The following CAMK4 variants were observed in gnomAD, a reference collection of about 807,000 sequenced individuals.
CAMK4 encodes the protein calcium/calmodulin dependent protein kinase IV.
A neutral mutation model predicts 44.9 loss-of-function variants in CAMK4; 22 were observed. The observed-to-expected ratio is 0.49, with a 90% CI of 0.35 to 0.70. The LOEUF is 0.70. CAMK4 is among the 30% of genes least tolerant of loss of function. The pLI is 0.01. For missense variants in CAMK4, 498 were observed against 586.8 expected, an observed-to-expected ratio of 0.85 and a Z score of 1.56; for synonymous variants, 218 against 215.4, an observed-to-expected ratio of 1.01 and a Z score of -0.11.
chr5:111,463,254 G>T (rs1043579188), intron 7 of CAMK4, among the ~76,000 whole-genome samples: 1 of 152,132 alleles, frequency 6.6e-6, no homozygotes, highest in African/African-American at 2.4e-5. Context: ...CTTTTAAAAT[G>T]CATTTTTAAA....
intron 1 of CAMK4, among the ~76,000 whole-genome samples, chr5:111,327,273 C>G (rs2112710356): frequency 6.6e-6 from 1 of 150,674 alleles, no homozygotes; most frequent in South Asian, 2.1e-4. Context: ...GTTTTTTGTC[C>G]TTGTGATAGT....
At chr5:111,449,427 T>C (rs1299304607) in intron 7 of CAMK4, among the ~76,000 whole-genome samples, 4 of 152,208 alleles carry the variant, frequency 2.6e-5, no homozygotes, top group African/African-American at 7.2e-5. Context: ...AGAATGCCTT[T>C]GAGCCAGTGG....
rs558730023 is a variant in CAMK4, at chr5:111,461,591, C to A, written c.626-11720C>A. Among the ~76,000 whole-genome samples, 6 of 152,106 alleles carry A rather than the reference C, an allele frequency of 3.9e-5. No homozygotes were observed. The South Asian group carries it at 1.2e-3, about 32-fold the overall frequency. ...GCAGCTGCCTCAAGTGCATTCTTCT[C>A]CTCTGGGTTCCTAGGCCAAGCTAGG... On this transcript the variant is annotated intron_variant, in intron 7 of 10. Coordinates refer to ENST00000282356, the MANE Select transcript of CAMK4 (RefSeq NM_001744.6).
intron 5 of CAMK4, among the ~76,000 whole-genome samples, chr5:111,423,370 A>G (rs1272071722): frequency 6.6e-6 from 1 of 152,256 alleles, no homozygotes; most frequent in Non-Finnish European, 1.5e-5. Flanking sequence ...AGTTGAAAAC[A>G]TAATTTTTCA....
In CAMK4 at chr5:111,486,194, A is replaced by G. The variant is rs912653349; in HGVS notation, c.*1728A>G. ...TGTTCTCATGGGAAGAAAACAAGGT[A>G]GGACTTCTTATCTTTCATAGTTTAA... On this transcript the variant is annotated 3_prime_UTR_variant, in exon 11 of 11. Transcript: ENST00000282356. The G allele has an allele frequency of 3.3e-5, 5 of 152,130 alleles. No individual in the cohort carries two copies. Among genetic ancestry groups the G allele is most frequent in the African/African-American group, 2.4e-5 (1 of 41,436 alleles). 9.4% of individuals were successfully genotyped at this position (152,130 alleles called of 1,614,324 possible).
intron 1 of CAMK4, among the ~76,000 whole-genome samples, chr5:111,285,561 A>G (rs1482496740): frequency 6.6e-6 from 1 of 152,204 alleles, no homozygotes; most frequent in Non-Finnish European, 1.5e-5. Context: ...CATGGCTGCA[A>G]TGGATGTAAT....
At chr5:111,443,277 TATACACACACACACACAC>T (rs1372775605) in intron 5 of CAMK4, among the ~76,000 whole-genome samples, 6 of 40,880 alleles carry the variant, frequency 1.5e-4, no homozygotes, top group South Asian at 2.5e-3. Flanking sequence ...TATATATATA[TATACACACACACACACAC>T]ACACACACAC....
In CAMK4 at chr5:111,377,264, T is replaced by TA. The variant is rs1316229984; in HGVS notation, c.386+323dup. 1.1e-4 allele frequency among the ~76,000 whole-genome samples: 16 copies of TA among 152,188 alleles called. No homozygotes were observed. In the East Asian group the frequency reaches 2.7e-3, roughly 26 times the overall value. ...AACTAAATAGTAAGATTTATGAGAA[T>TA]ATCTTAAGAAAATATTTGAAATATT... On this transcript the variant is annotated intron_variant, in intron 4 of 10. Coordinates refer to ENST00000282356, the MANE Select transcript of CAMK4 (RefSeq NM_001744.6).
chr5:111,460,265 C>CTTTTTTTTTTT lies in CAMK4; in HGVS notation c.625+11067_625+11068insTTTTTTTTTTT, dbSNP rs200566906. Among the ~76,000 whole-genome samples, 300 of 122,606 alleles carry CTTTTTTTTTTT rather than the reference C, an allele frequency of 2.4e-3. 12 individuals carry two copies. The highest frequency in any genetic ancestry group is 5.0e-3 in the Middle Eastern group (1 of 202). 80.4% of individuals were successfully genotyped at this position (122,606 alleles called of 152,430 possible). A position where few individuals can be genotyped will look rare whatever the true frequency, so the allele number is the denominator to read the frequency against. On this transcript the variant is annotated intron_variant, in intron 7 of 10. Transcript: ENST00000282356. ...TAATGTTTTTCTTTTCTTTTCTTTT[C>CTTTTTTTTTTT]TTTTTCTTTTTTTTTTTTTTGAGGC...
At chr5:111,454,652 A>G (rs1754353957) in intron 7 of CAMK4, among the ~76,000 whole-genome samples, 1 of 150,984 alleles carries the variant, frequency 6.6e-6, no homozygotes. Context: ...ACAGACAAAA[A>G]AAAAAAAAAA....
rs543457588 is a variant in CAMK4, at chr5:111,361,790, T to G, written c.241-13060T>G. Among the ~76,000 whole-genome samples the G allele has an allele frequency of 6.6e-5, 10 of 152,188 alleles. 1 individual carries two copies. The South Asian group carries it at 2.1e-3, about 32-fold the overall frequency. On this transcript the variant is annotated intron_variant, in intron 2 of 10. Transcript: ENST00000282356. Reference sequence around the variant, plus strand: ...AGTGAAAATAGGCATTAGTTTTCTTTTTGATTAACCTCAGGCAGGAAGATT... The same window carrying G: ...AGTGAAAATAGGCATTAGTTTTCTTGTTGATTAACCTCAGGCAGGAAGATT...
intron 2 of CAMK4, among the ~76,000 whole-genome samples, chr5:111,374,564 G>A (rs930385081): frequency 2.0e-5 from 3 of 152,100 alleles, no homozygotes; most frequent in Admixed American, 1.3e-4. Flanking sequence ...ATGAGCTTGG[G>A]CATTAGTTGT....
At chr5:111,451,409 T>A (rs1217931769) in intron 7 of CAMK4, among the ~76,000 whole-genome samples, 1 of 152,084 alleles carries the variant, frequency 6.6e-6, no homozygotes, top group Non-Finnish European at 1.5e-5. Context: ...TTGATTCTCA[T>A]TCCTCAGCCT....
chr5:111,295,248 G>A (rs1051165937), intron 1 of CAMK4, among the ~76,000 whole-genome samples: 2 of 152,152 alleles, frequency 1.3e-5, no homozygotes, highest in African/African-American at 4.8e-5. Context: ...GAAGGAGATG[G>A]TTACAGTAGG....
At chr5:111,448,064 T>C (rs1329902093) in intron 6 of CAMK4, among the ~76,000 whole-genome samples, 1 of 152,240 alleles carries the variant, frequency 6.6e-6, no homozygotes, top group Non-Finnish European at 1.5e-5. Context: ...GGTTTATCTT[T>C]GAAGTCTAAA....
intron 1 of CAMK4, among the ~76,000 whole-genome samples, chr5:111,279,856 CA>C (rs1479452118): frequency 2.0e-5 from 3 of 152,122 alleles, no homozygotes; most frequent in Non-Finnish European, 4.4e-5. Context: ...CTTAGTTAGG[CA>C]ATCCACAAAT....
intron 2 of CAMK4, among the ~76,000 whole-genome samples, chr5:111,354,913 T>G (rs908986586): frequency 2.0e-5 from 3 of 152,088 alleles, no homozygotes; most frequent in African/African-American, 4.8e-5. Context: ...TTTGGAAACA[T>G]GGAAAACTGA....
At chr5:111,261,526 C>G (rs1029127974) in intron 1 of CAMK4, among the ~76,000 whole-genome samples, 2 of 151,776 alleles carry the variant, frequency 1.3e-5, no homozygotes, top group African/African-American at 4.8e-5. Flanking sequence ...TTCCTCACCT[C>G]AATATCCTTA....
chr5:111,459,778 C>T (rs1754574917), intron 7 of CAMK4, among the ~76,000 whole-genome samples: 1 of 148,138 alleles, frequency 6.8e-6, no homozygotes, highest in South Asian at 2.2e-4. Flanking sequence ...CACTGCATCA[C>T]TGCAAGCTCC....
Sources: gnomAD v4.1 joint callset for allele counts (sites outside exome capture counted in the v4.1 genomes callset) on GRCh38, gnomAD v4.1.1 for gene constraint, MANE v1.5 for transcripts, NCBI Gene and HGNC (gene_info 2026-07-23, HGNC 2026-07-21) for gene names.